The following DGKG variants were observed in gnomAD, a reference collection of about 807,000 sequenced individuals.
The protein encoded by DGKG is diacylglycerol kinase gamma, also known as DAG kinase gamma.
A neutral mutation model predicts 105.3 loss-of-function variants in DGKG; 78 were observed. That is an observed-to-expected ratio of 0.74 (90% confidence interval 0.62 to 0.89). The LOEUF is 0.89. Among genes scored for constraint, DGKG ranks in the 40% least tolerant of loss-of-function variants. The pLI is 0.00. For missense variants in DGKG, 958 were observed against 1,020.1 expected (o/e 0.94, Z 0.83); for synonymous variants, 346 against 367.1 (o/e 0.94, Z 0.66).
intron 5 of DGKG, among the ~76,000 whole-genome samples, chr3:186,289,752 A>C (rs1287019026): frequency 6.6e-6 from 1 of 152,246 alleles, no homozygotes; most frequent in Non-Finnish European, 1.5e-5. Flanking sequence ...CCAATGTTTT[A>C]GGTGTTGTTA....
intron 1 of DGKG, among the ~76,000 whole-genome samples, chr3:186,354,159 T>A (rs1726789637): frequency 6.6e-6 from 1 of 152,186 alleles, no homozygotes; most frequent in Non-Finnish European, 1.5e-5. Context: ...AGGGACACCC[T>A]GGCCTTCTGG....
At position 186,302,460 on chromosome 3, in the gene DGKG, CTATATATATATA is replaced by C. The variant is rs58937810; in HGVS notation, c.145-4243_145-4232del. On this transcript the variant is annotated intron_variant, in intron 3 of 24. Transcript: ENST00000265022. ...AGATTGGAAAAAGGGGGGAAATGTG[CTATATATATATA>C]TATATATATATATATATATATATAT... Among the ~76,000 whole-genome samples the C allele has an allele frequency of 3.9e-3, 191 of 48,740 alleles. 3 individuals are homozygous for C. Among genetic ancestry groups the C allele is most frequent in the South Asian group, 0.032 (45 of 1,390 alleles). The allele number at this position is 48,740 out of a possible 152,430, so 32.0% of individuals were successfully genotyped here.
At chr3:186,316,030 C>T (rs192981847) in intron 2 of DGKG, among the ~76,000 whole-genome samples, 1 of 152,216 alleles carries the variant, frequency 6.6e-6, no homozygotes, top group South Asian at 2.1e-4. Flanking sequence ...TGGAGAGGCC[C>T]TGGAAGACAA....
intron 17 of DGKG, among the ~76,000 whole-genome samples, chr3:186,254,507 T>C (rs1290749910): frequency 2.0e-5 from 3 of 152,176 alleles, no homozygotes; most frequent in African/African-American, 4.8e-5. Flanking sequence ...CTGCCCCTTC[T>C]TCTGTGTCCC....
At chr3:186,273,128 A>G (rs368930760) in intron 10 of DGKG, among the ~76,000 whole-genome samples, 4 of 152,086 alleles carry the variant, frequency 2.6e-5, no homozygotes. Flanking sequence ...AAGGGAAGAA[A>G]ACGGCCTCTC....
chr3:186,302,960 T>C (rs919335313), intron 3 of DGKG, among the ~76,000 whole-genome samples: 1 of 152,148 alleles, frequency 6.6e-6, no homozygotes, highest in African/African-American at 2.4e-5. Flanking sequence ...CTCAGTCTTC[T>C]GATGCCTCCG....
At chr3:186,323,568 C>T (rs1489651651) in intron 1 of DGKG, among the ~76,000 whole-genome samples, 48 of 152,088 alleles carry the variant, frequency 3.2e-4, no homozygotes, top group Admixed American at 2.9e-3. Flanking sequence ...CTAAGATGGG[C>T]GGATCATGAG....
intron 1 of DGKG, among the ~76,000 whole-genome samples, chr3:186,332,254 A>C (rs1578846179): frequency 6.6e-6 from 1 of 152,222 alleles, no homozygotes; most frequent in Non-Finnish European, 1.5e-5. Context: ...AGAATGCAAA[A>C]TATCCAGGAA....
chr3:186,199,758 C>T (rs1021867032), intron 21 of DGKG, among the ~76,000 whole-genome samples: 11 of 152,188 alleles, frequency 7.2e-5, no homozygotes, highest in Admixed American at 6.5e-4. Context: ...GACAATCGGC[C>T]TGCCTCAGCC....
At position 186,346,655 on chromosome 3, in the gene DGKG, GCTATACTATA is replaced by G. The variant is rs144977237; in HGVS notation, c.-249+15281_-249+15290del. On this transcript the variant is annotated intron_variant, in intron 1 of 24. Transcript: ENST00000265022. ...GAATAGATTATCCTAGAGTAACTAT[GCTATACTATA>G]CTATACTATACTATACTCAGTTTTA... Among the ~76,000 whole-genome samples the G allele has an allele frequency of 3.3e-5, 5 of 151,374 alleles. No individual in the cohort carries two copies. The East Asian group carries it at 9.7e-4, about 29-fold the overall frequency.
At chr3:186,242,012 G>C (rs574307134) in intron 20 of DGKG, among the ~76,000 whole-genome samples, 1 of 152,052 alleles carries the variant, frequency 6.6e-6, no homozygotes, top group African/African-American at 2.4e-5. Context: ...CTCTGCTGTC[G>C]GGGGAGGCAA....
At chr3:186,348,475 A>G (rs952443427) in intron 1 of DGKG, among the ~76,000 whole-genome samples, 3 of 103,168 alleles carry the variant, frequency 2.9e-5, no homozygotes, top group African/African-American at 1.5e-4. Flanking sequence ...TTTTTTTGAG[A>G]TAGGGTCTCA....
chr3:186,313,678 G>A (rs1218698289), intron 2 of DGKG: 2 of 183,942 alleles, frequency 1.1e-5, no homozygotes, highest in African/African-American at 4.8e-5. Context: ...AGCTCTCCAG[G>A]AGATTCATGT....
rs1287752500 is a variant in DGKG at position 186,268,840 on chromosome 3, C to G, written c.1077G>C (p.Gln359His). 1.9e-6 allele frequency: 3 copies of G among 1,613,940 alleles called. No homozygotes were observed. Among genetic ancestry groups the G allele is most frequent in the African/African-American group, 1.3e-5 (1 of 74,944 alleles). The change falls in exon 12 of 25, where the codon CAG becomes CAC. Residue 359 changes from glutamine (Q) to histidine (H), a missense_variant. Coordinates refer to ENST00000265022, the MANE Select transcript of DGKG (RefSeq NM_001346.3). ...DRCHKSIKCY[Q>H]SVTARHCVWC... ...ACACGCAGTGCCGCGCGGTGACACT[C>G]TGGTAGCACTTGATACTTTTGTGGC...
At chr3:186,326,397 T>TCAAAAAAAAAAA (rs1560156258) in intron 1 of DGKG, among the ~76,000 whole-genome samples, 3 of 149,610 alleles carry the variant, frequency 2.0e-5, no homozygotes, top group African/African-American at 7.6e-5. Flanking sequence ...AGACACTGTC[T>TCAAAAAAAAAAA]TAAAAAAAAA....
intron 12 of DGKG, among the ~76,000 whole-genome samples, chr3:186,268,242 A>G (rs1273184802): frequency 1.3e-5 from 2 of 152,270 alleles, no homozygotes; most frequent in East Asian, 3.9e-4. Context: ...ACCTGGGGAG[A>G]AGGACAAGAG....
intron 9 of DGKG, among the ~76,000 whole-genome samples, chr3:186,276,625 T>G (rs1037987315): frequency 3.3e-5 from 5 of 152,170 alleles, no homozygotes; most frequent in Non-Finnish European, 2.9e-5. Context: ...AGAAGTGAAA[T>G]CATCTGCATC....
chr3:186,172,000 C>CA (rs1425543512), intron 22 of DGKG, among the ~76,000 whole-genome samples: 1 of 152,128 alleles, frequency 6.6e-6, no homozygotes, highest in Non-Finnish European at 1.5e-5. Context: ...GGATTACAGG[C>CA]ACCCACCATC....
intron 5 of DGKG, among the ~76,000 whole-genome samples, chr3:186,291,928 T>G (rs1012673303): frequency 6.6e-6 from 1 of 152,206 alleles, no homozygotes; most frequent in Non-Finnish European, 1.5e-5. Flanking sequence ...GAACCATTTC[T>G]CTAGTTTTCA....
Sources: allele counts gnomAD v4.1 joint callset (sites outside exome capture counted in the v4.1 genomes callset), GRCh38; gene constraint gnomAD v4.1.1; transcripts MANE v1.5; gene names NCBI Gene and HGNC (gene_info 2026-07-23, HGNC 2026-07-21).